Variants in TBC1D5 observed in about 807,000 individuals in gnomAD.
TBC1D5 encodes the protein TBC1 domain family member 5.
TBC1D5 carries 75 observed loss-of-function variants against 100.3 expected under a neutral mutation model. The observed-to-expected ratio is 0.75, with a 90% CI of 0.62 to 0.91. The LOEUF is 0.91. Among genes scored for constraint, TBC1D5 ranks in the 40% least tolerant of loss-of-function variants. TBC1D5 has a pLI of 0.00. For missense variants in TBC1D5, 910 were observed against 942.4 expected (o/e 0.97, Z 0.45); for synonymous variants, 323 against 325.6 (o/e 0.99, Z 0.09).
intron 1 of TBC1D5, among the ~76,000 whole-genome samples, chr3:17,686,378 C>A (rs1278757287): frequency 6.6e-6 from 1 of 152,072 alleles, no homozygotes; most frequent in African/African-American, 2.4e-5. Flanking sequence ...GAAATAATAA[C>A]TTTGTGATAG....
At chr3:17,519,349 C>G (rs1203838834) in intron 2 of TBC1D5, among the ~76,000 whole-genome samples, 1 of 152,188 alleles carries the variant, frequency 6.6e-6, no homozygotes, top group African/African-American at 2.4e-5. Context: ...TTCAACTATA[C>G]CAAATTACAC....
intron 8 of TBC1D5, among the ~76,000 whole-genome samples, chr3:17,385,640 G>A (rs529901954): frequency 6.6e-6 from 1 of 151,420 alleles, no homozygotes; most frequent in East Asian, 1.9e-4. Context: ...CTGTTCATTT[G>A]ACTTTTGCTT....
intron 16 of TBC1D5, among the ~76,000 whole-genome samples, chr3:17,239,809 G>T (rs998028980): frequency 6.6e-6 from 1 of 152,134 alleles, no homozygotes; most frequent in East Asian, 1.9e-4. Flanking sequence ...GTATCTCAGG[G>T]CTATTATCTT....
intron 8 of TBC1D5, among the ~76,000 whole-genome samples, chr3:17,392,268 G>C (rs7636787): frequency 0.41 from 62,605 of 151,746 alleles, 13,577 homozygotes; most frequent in Middle Eastern, 0.48. Flanking sequence ...AGTAATCAAT[G>C]ATAGTTACTG....
intron 1 of TBC1D5, among the ~76,000 whole-genome samples, chr3:17,702,672 GATTC>G (rs143318866): frequency 0.05 from 7,624 of 152,166 alleles, 608 homozygotes; most frequent in African/African-American, 0.17. Flanking sequence ...TAACTTATTT[GATTC>G]ATTGTCATCA....
intron 16 of TBC1D5, among the ~76,000 whole-genome samples, chr3:17,247,622 T>C (rs1466861106): frequency 6.6e-6 from 1 of 152,140 alleles, no homozygotes; most frequent in Non-Finnish European, 1.5e-5. Context: ...AACAATGAAG[T>C]TGGCCACACT....
intron 1 of TBC1D5, among the ~76,000 whole-genome samples, chr3:17,702,776 C>T (rs1447450959): frequency 6.6e-6 from 1 of 152,090 alleles, no homozygotes; most frequent in Non-Finnish European, 1.5e-5. Flanking sequence ...TATGGTACTA[C>T]CTCCAAGGGT....
chr3:17,507,649 C>G (rs1486244619), intron 3 of TBC1D5, among the ~76,000 whole-genome samples: 1 of 152,106 alleles, frequency 6.6e-6, no homozygotes, highest in East Asian at 1.9e-4. Context: ...CTTTTTATAA[C>G]AGTTTGTCTG....
At chr3:17,705,223 G>A (rs1371030414) in intron 1 of TBC1D5, among the ~76,000 whole-genome samples, 1 of 84,800 alleles carries the variant, frequency 1.2e-5, no homozygotes, top group Admixed American at 9.6e-5. Context: ...CCTCCCGGAC[G>A]GCACGGCTGG....
chr3:17,688,176 TCA>T (rs1165793629), intron 1 of TBC1D5, among the ~76,000 whole-genome samples: 1 of 152,098 alleles, frequency 6.6e-6, no homozygotes, highest in Non-Finnish European at 1.5e-5. Context: ...ATAAACTATT[TCA>T]TATACAATAA....
At chr3:17,229,738 C>T (rs2075254539) in intron 17 of TBC1D5, among the ~76,000 whole-genome samples, 1 of 152,124 alleles carries the variant, frequency 6.6e-6, no homozygotes, top group Admixed American at 6.6e-5. Flanking sequence ...GTGATGGAGC[C>T]TGAATTCAAA....
intron 13 of TBC1D5, among the ~76,000 whole-genome samples, chr3:17,370,489 C>T (rs1345057704): frequency 6.6e-6 from 1 of 152,156 alleles, no homozygotes; most frequent in Non-Finnish European, 1.5e-5. Flanking sequence ...TTCAAATGTA[C>T]ATAGCAATTC....
chr3:17,207,560 G>A (rs1334127721), intron 18 of TBC1D5, among the ~76,000 whole-genome samples: 1 of 152,132 alleles, frequency 6.6e-6, no homozygotes, highest in African/African-American at 2.4e-5. Flanking sequence ...AGACTAAGCT[G>A]AATCTTGCCC....
chr3:17,736,611 T>G (rs2076982914), intron 1 of TBC1D5, among the ~76,000 whole-genome samples: 1 of 152,096 alleles, frequency 6.6e-6, no homozygotes, highest in South Asian at 2.1e-4. Flanking sequence ...AGGCAATCAA[T>G]CCACTATCCC....
intron 1 of TBC1D5, among the ~76,000 whole-genome samples, chr3:17,724,018 A>G (rs532111961): frequency 6.7e-6 from 1 of 150,352 alleles, no homozygotes; most frequent in Non-Finnish European, 1.5e-5. Context: ...CTATTTCACT[A>G]TTTTACCCTT....
At chr3:17,293,103 T>C (rs948611269) in intron 14 of TBC1D5, among the ~76,000 whole-genome samples, 1 of 152,200 alleles carries the variant, frequency 6.6e-6, no homozygotes, top group Admixed American at 6.5e-5. Flanking sequence ...ATCATCTTCA[T>C]TTTCATTGCT....
chr3:17,657,375 C>T (rs1388564617), intron 1 of TBC1D5, among the ~76,000 whole-genome samples: 1 of 139,930 alleles, frequency 7.1e-6, no homozygotes, highest in Non-Finnish European at 1.5e-5. Flanking sequence ...CTCACTCTGT[C>T]GCGAGGCTGG....
intron 3 of TBC1D5, among the ~76,000 whole-genome samples, chr3:17,469,669 G>C (rs1048783376): frequency 3.3e-5 from 5 of 152,170 alleles, no homozygotes; most frequent in Admixed American, 1.3e-4. Flanking sequence ...TATTCCTTTG[G>C]GAGCTTATTT....
At chr3:17,611,460 C>A (rs544065746) in intron 2 of TBC1D5, among the ~76,000 whole-genome samples, 2 of 152,144 alleles carry the variant, frequency 1.3e-5, no homozygotes, top group East Asian at 3.9e-4. Context: ...GAAGGGAGAA[C>A]TAATGGAGAA....
Sources: allele counts gnomAD v4.1 joint callset (sites outside exome capture counted in the v4.1 genomes callset), GRCh38; gene constraint gnomAD v4.1.1; transcripts MANE v1.5; gene names NCBI Gene and HGNC (gene_info 2026-07-23, HGNC 2026-07-21).